RYR2: variants seen among roughly 807,000 people sequenced by gnomAD.
The protein encoded by RYR2 is ryanodine receptor 2, also known as cardiac muscle ryanodine receptor-calcium release channel.
A neutral mutation model predicts 601.1 loss-of-function variants in RYR2; 227 were observed. The observed-to-expected ratio is 0.38, with a 90% CI of 0.34 to 0.42. RYR2 has a LOEUF of 0.42. RYR2 is among the 10% of genes least tolerant of loss of function. The pLI, the probability that RYR2 is intolerant of heterozygous loss-of-function variation, is 1.00. For synonymous variants in RYR2, 2,223 were observed against 2,175.1 expected (o/e 1.02, Z -0.61); for missense variants, 4,646 against 6,156.5 (o/e 0.75, Z 8.21).
intron 98 of RYR2, 97 bp from the exon 99 acceptor site, chr1:237,806,040 T>C (rs1263356573): frequency 1.8e-6 from 2 of 1,081,424 alleles, no homozygotes; most frequent in Non-Finnish European, 2.7e-6. Context: ...ACATGTAGAG[T>C]TTAACTTTCT....
intron 17 of RYR2, among the ~76,000 whole-genome samples, chr1:237,475,679 T>C (rs1331801531): frequency 6.6e-6 from 1 of 152,220 alleles, no homozygotes; most frequent in African/African-American, 2.4e-5. Context: ...TGTGATGTTA[T>C]GATGTATGTA....
chr1:237,205,506 C>A (rs1278772221), intron 1 of RYR2, among the ~76,000 whole-genome samples: 1 of 152,098 alleles, frequency 6.6e-6, no homozygotes, highest in Non-Finnish European at 1.5e-5. Flanking sequence ...AGACTATGTG[C>A]AATCAGAAGG....
chr1:237,086,695 TGGTGAGG>T lies in RYR2; in HGVS notation c.48+44131_48+44137del, dbSNP rs530653845. ...AATATCATGGGTACCCTGTGCAGGG[TGGTGAGG>T]GGTGCTGGGTGGGACCATATCACTT... On this transcript the variant is annotated intron_variant, in intron 1 of 104. Coordinates refer to ENST00000366574, the MANE Select transcript of RYR2 (RefSeq NM_001035.3). Among the ~76,000 whole-genome samples the T allele has an allele frequency of 1.3e-4, 20 of 151,958 alleles. No homozygotes were observed. The South Asian group carries it at 4.2e-3, about 32-fold the overall frequency.
intron 36 of RYR2, 92 bp downstream of exon 36, chr1:237,611,080 G>A (rs1311051797): frequency 1.5e-5 from 15 of 1,027,184 alleles, no homozygotes; most frequent in East Asian, 1.0e-4. Flanking sequence ...GGCAGGGGTG[G>A]TTCTAAAGAA....
chr1:237,708,664 A>AG (rs1280625318), intron 68 of RYR2, among the ~76,000 whole-genome samples, 194 bp from the exon 69 acceptor site: 2 of 152,230 alleles, frequency 1.3e-5, no homozygotes, highest in African/African-American at 4.8e-5. Flanking sequence ...AATTCAACTC[A>AG]GTAAACATTT....
rs750047302 is a variant in RYR2, at chr1:237,356,000, G to A, written c.294+15G>A. 1.1e-4 allele frequency: 181 copies of A among 1,605,068 alleles called. No homozygotes were observed. Among genetic ancestry groups the A allele is most frequent in the Non-Finnish European group, 1.5e-4 (175 of 1,175,002 alleles). ...TGGAAAAATGGGTATGTGTTTCCAT[G>A]TATTTGCAAAGAAATTGTGATCTAA... On this transcript the variant is annotated intron_variant, in intron 4 of 104. Transcript: ENST00000366574.
chr1:237,366,346 G>A (rs184185942), intron 5 of RYR2, among the ~76,000 whole-genome samples: 5 of 152,304 alleles, frequency 3.3e-5, no homozygotes, highest in African/African-American at 1.2e-4. Context: ...TTCAACTGAG[G>A]CCAGGATTCT....
At chr1:237,389,874 G>A (rs1347528884) in intron 10 of RYR2, among the ~76,000 whole-genome samples, 6 of 152,240 alleles carry the variant, frequency 3.9e-5, no homozygotes, top group Non-Finnish European at 2.9e-5. Flanking sequence ...TAAAGGAATG[G>A]GGTCTATCAT....
chr1:237,628,986 A>C (rs1679974732), intron 41 of RYR2, among the ~76,000 whole-genome samples: 1 of 152,190 alleles, frequency 6.6e-6, no homozygotes, highest in Admixed American at 6.5e-5. Flanking sequence ...CATATTCAAG[A>C]GTGAGGATAA....
intron 1 of RYR2, among the ~76,000 whole-genome samples, chr1:237,186,007 C>A (rs1433349070): frequency 6.6e-6 from 1 of 152,196 alleles, no homozygotes; most frequent in South Asian, 2.1e-4. Context: ...GGTCTTAGGC[C>A]CCTGCTTTCT....
At position 237,417,066 on chromosome 1, in the gene RYR2, GTGGCGCTGTGT is replaced by G. The variant is rs1705078117; in HGVS notation, c.792_802del (p.Gly265CysfsTer55). On this transcript the variant is annotated frameshift_variant, in exon 11 of 105. Coordinates refer to ENST00000366574, the MANE Select transcript of RYR2 (RefSeq NM_001035.3). LOFTEE classifies it high-confidence loss of function. Reference sequence around the variant, plus strand: ...TGAAACAGAACTGTTCATTATGAAGGTGGCGCTGTGTCTGTTCATGCACGTTCCCTTTGGAG... The same window carrying G: ...TGAAACAGAACTGTTCATTATGAAGGCTGTTCATGCACGTTCCCTTTGGAG... 2 of 1,613,668 alleles carry G rather than the reference GTGGCGCTGTGT, an allele frequency of 1.2e-6. No homozygotes were observed. The highest frequency in any genetic ancestry group is 2.7e-5 in the African/African-American group (2 of 74,868).
rs556899795 is a variant in RYR2, at chr1:237,589,890, A to T, written c.3696A>T (p.Leu1232Phe). 1 of 1,613,966 alleles carries T rather than the reference A, an allele frequency of 6.2e-7. No homozygotes were observed. The highest frequency in any genetic ancestry group is 2.2e-5 in the East Asian group (1 of 44,830). Residue 1232 changes from leucine (L) to phenylalanine (F), a missense_variant, in exon 30 of 105, where the codon TTA (leucine) becomes TTT (phenylalanine). Coordinates refer to ENST00000366574, the MANE Select transcript of RYR2 (RefSeq NM_001035.3). ...TGAAATATTTCACCATCTGTGGCTTACAAGAGGGCTATGAACCATTTGCCG... is the reference window on the plus strand; with the variant it reads ...TGAAATATTTCACCATCTGTGGCTTTCAAGAGGGCTATGAACCATTTGCCG... Reference protein sequence around the residue: ...STLKYFTICGLQEGYEPFAVN... With the variant: ...STLKYFTICGFQEGYEPFAVN...
intron 2 of RYR2, among the ~76,000 whole-genome samples, chr1:237,285,043 C>T (rs1366116958): frequency 6.6e-6 from 1 of 152,092 alleles, no homozygotes; most frequent in Non-Finnish European, 1.5e-5. Flanking sequence ...TCTGATTGGT[C>T]TGGCTAGGAC....
chr1:237,438,179 C>G (rs1349079285), intron 12 of RYR2, among the ~76,000 whole-genome samples: 1 of 151,894 alleles, frequency 6.6e-6, no homozygotes, highest in Non-Finnish European at 1.5e-5. Flanking sequence ...TAATTTAGCT[C>G]TATTCATTAT....
At chr1:237,367,448 GT>G (rs1700292341) in intron 5 of RYR2, among the ~76,000 whole-genome samples, 1 of 152,024 alleles carries the variant, frequency 6.6e-6, no homozygotes, top group South Asian at 2.1e-4. Context: ...TTTAATATCT[GT>G]TTTTAGAATA....
intron 1 of RYR2, among the ~76,000 whole-genome samples, chr1:237,167,522 C>A (rs997927998): frequency 2.6e-5 from 4 of 152,188 alleles, no homozygotes; most frequent in African/African-American, 7.2e-5. Flanking sequence ...ATAGCATGAT[C>A]ATTCTTGCCT....
chr1:237,686,722 T>A (rs1686426009), intron 62 of RYR2, among the ~76,000 whole-genome samples: 1 of 152,108 alleles, frequency 6.6e-6, no homozygotes. Flanking sequence ...CAGCCATTAT[T>A]TGGAATGGCT....
intron 1 of RYR2, among the ~76,000 whole-genome samples, chr1:237,069,228 G>T (rs1664013610): frequency 6.6e-6 from 1 of 152,228 alleles, no homozygotes; most frequent in East Asian, 1.9e-4. Context: ...GCTGTATTTT[G>T]TGATAAGAGA....
chr1:237,171,892 C>A (rs758881098), intron 1 of RYR2, among the ~76,000 whole-genome samples: 1 of 152,178 alleles, frequency 6.6e-6, no homozygotes, highest in South Asian at 2.1e-4. Flanking sequence ...TTTTACCCAC[C>A]GGTCTTTCTG....
Sources: allele counts gnomAD v4.1 joint callset (sites outside exome capture counted in the v4.1 genomes callset), GRCh38; gene constraint gnomAD v4.1.1; transcripts MANE v1.5; gene names NCBI Gene and HGNC (gene_info 2026-07-23, HGNC 2026-07-21).